The following MAF variants were observed in gnomAD, a reference collection of about 807,000 sequenced individuals.
The protein encoded by MAF is MAF bZIP transcription factor.
MAF carries 10 observed loss-of-function variants against 22.0 expected under a neutral mutation model. The observed-to-expected ratio is 0.45, with a 90% CI of 0.28 to 0.77. The LOEUF (loss-of-function observed/expected upper bound fraction) is 0.77, where lower values mean the gene tolerates loss of function less well. Ranked by LOEUF, MAF falls within the 30% of genes least tolerant of loss-of-function variation. The probability of loss-of-function intolerance (pLI) is 0.12; values close to 1 mark genes in which losing one functional copy is unlikely to be tolerated. For synonymous variants in MAF, 337 were observed against 255.8 expected (o/e 1.32, Z -3.03); for missense variants, 544 against 548.4 (o/e 0.99, Z 0.08).
the MAF span, among the ~76,000 whole-genome samples, chr16:79,542,092 C>A: frequency 2.0e-5 from 3 of 152,308 alleles, no homozygotes; most frequent in East Asian, 5.8e-4. Flanking sequence ...GCGTTTCAGT[C>A]TTTGGTGACA....
chr16:79,204,552 C>T, the MAF span: 1 of 152,172 alleles, frequency 6.6e-6, no homozygotes, highest in Non-Finnish European at 1.5e-5. Context: ...TCCTTTGGAA[C>T]ATCGATGGCA....
At chr16:79,342,865 T>C in the MAF span, among the ~76,000 whole-genome samples, 60 of 152,238 alleles carry the variant, frequency 3.9e-4, no homozygotes, top group East Asian at 9.6e-3. Flanking sequence ...TGAAACTCAT[T>C]AAGAGTTCAT....
chr16:79,339,892 TA>T, the MAF span, among the ~76,000 whole-genome samples: 1 of 152,206 alleles, frequency 6.6e-6, no homozygotes, highest in African/African-American at 2.4e-5. Context: ...CCTTCTCCGC[TA>T]AAAGCATCCT....
At chr16:79,494,989 G>T in the MAF span, among the ~76,000 whole-genome samples, 19 of 152,144 alleles carry the variant, frequency 1.2e-4, no homozygotes, top group Admixed American at 3.3e-4. Context: ...AACGCATAAG[G>T]ACAGGTATGG....
At chr16:79,212,036 G>A in the MAF span, 1 of 1,536,264 alleles carries the variant, frequency 6.5e-7, no homozygotes, top group Non-Finnish European at 8.7e-7. Flanking sequence ...TCTGGTGGTG[G>A]CCTGTTTGAA....
At chr16:79,537,586 C>G in the MAF span, among the ~76,000 whole-genome samples, 9 of 152,116 alleles carry the variant, frequency 5.9e-5, no homozygotes, top group African/African-American at 2.2e-4. Context: ...CCTAGAATTC[C>G]GCTCTGTGGC....
the MAF span, among the ~76,000 whole-genome samples, chr16:79,549,076 AC>A: frequency 1.3e-5 from 2 of 152,104 alleles, no homozygotes; most frequent in African/African-American, 4.8e-5. Flanking sequence ...GGATATCATT[AC>A]CTCCTTTGAA....
chr16:79,276,347 T>G, the MAF span, among the ~76,000 whole-genome samples: 2,126 of 152,176 alleles, frequency 0.014, 33 homozygotes, highest in Middle Eastern at 0.037. Flanking sequence ...CAGCACAGAT[T>G]TGTCATCCAA....
In MAF at chr16:79,599,213, G is replaced by A; in HGVS notation, c.690C>T (p.Gly230=). The change falls in exon 1 of 2, where the codon GGC becomes GGT. Residue 230 remains glycine, a synonymous_variant. Coordinates refer to ENST00000326043, the MANE Select transcript of MAF (RefSeq NM_005360.5). The stretch of plus-strand genomic sequence containing the variant: ...CGCCCCCGCCGCCTCCGCCGCCGCC[G>A]CCGCCGCCGCCGCCCCCAGCGCTGG... ...GPASAGGGGG[G]GGGGGGGGAA... is the part of the protein sequence containing the mutation. The A allele has an allele frequency of 2.0e-6, 2 of 977,302 alleles. No homozygotes were observed. Among genetic ancestry groups the A allele is most frequent in the Non-Finnish European group, 2.4e-6 (2 of 826,194 alleles). The allele number at this position is 977,302 out of a possible 1,614,324, so 60.5% of individuals were successfully genotyped here.
At chr16:79,242,302 G>C in the MAF span, among the ~76,000 whole-genome samples, 1 of 151,002 alleles carries the variant, frequency 6.6e-6, no homozygotes, top group East Asian at 1.9e-4. Context: ...CCCATCTCAT[G>C]TGCAAAGACA....
At chr16:79,469,193 T>A in the MAF span, among the ~76,000 whole-genome samples, 1 of 152,226 alleles carries the variant, frequency 6.6e-6, no homozygotes, top group Non-Finnish European at 1.5e-5. Flanking sequence ...AACATAGCCA[T>A]GACCGTTCAT....
the MAF span, among the ~76,000 whole-genome samples, chr16:79,384,088 G>A: frequency 2.6e-5 from 4 of 152,078 alleles, no homozygotes; most frequent in Admixed American, 6.6e-5. Flanking sequence ...TTGTACAATC[G>A]GGATGAGGGT....
At chr16:79,522,891 T>C in the MAF span, among the ~76,000 whole-genome samples, 4 of 152,212 alleles carry the variant, frequency 2.6e-5, no homozygotes, top group African/African-American at 9.7e-5. Context: ...GAACTCACAG[T>C]GCTGGCATAT....
chr16:79,231,405 G>A, the MAF span, among the ~76,000 whole-genome samples: 1 of 152,082 alleles, frequency 6.6e-6, no homozygotes, highest in African/African-American at 2.4e-5. Flanking sequence ...TATCAAGGAT[G>A]TAGTCTAAAT....
chr16:79,524,816 C>T, the MAF span, among the ~76,000 whole-genome samples: 1 of 152,210 alleles, frequency 6.6e-6, no homozygotes, highest in Non-Finnish European at 1.5e-5. Flanking sequence ...ACTTAGGCAA[C>T]ATCAACTTAT....
the MAF span, among the ~76,000 whole-genome samples, chr16:79,559,212 C>T: frequency 6.6e-6 from 1 of 152,098 alleles, no homozygotes; most frequent in Non-Finnish European, 1.5e-5. Context: ...TGGGTTCCAG[C>T]AAATGATGGT....
At chr16:79,480,704 G>A in the MAF span, among the ~76,000 whole-genome samples, 1 of 152,178 alleles carries the variant, frequency 6.6e-6, no homozygotes, top group Admixed American at 6.5e-5. Context: ...GGGATGGCCT[G>A]GAGGTGTGGG....
chr16:79,587,227 C>A (rs574684149), intron 1 of MAF, among the ~76,000 whole-genome samples: 1 of 152,232 alleles, frequency 6.6e-6, no homozygotes, highest in African/African-American at 2.4e-5. Context: ...CTTTTCAAAT[C>A]TTAAGGTAGA....
At chr16:79,226,160 A>C in the MAF span, among the ~76,000 whole-genome samples, 7 of 152,256 alleles carry the variant, frequency 4.6e-5, no homozygotes. Flanking sequence ...CTGGATAAAG[A>C]AAATGTGGCA....
Sources: allele counts gnomAD v4.1 joint callset (sites outside exome capture counted in the v4.1 genomes callset), GRCh38; gene constraint gnomAD v4.1.1; transcripts MANE v1.5; gene names NCBI Gene and HGNC (gene_info 2026-07-23, HGNC 2026-07-21).